The following DAB1 variants were observed in gnomAD, a reference collection of about 807,000 sequenced individuals.
The protein encoded by DAB1 is DAB adaptor protein 1.
DAB1 carries 15 observed loss-of-function variants against 64.6 expected under a neutral mutation model. The ratio of observed to expected loss-of-function variants is 0.23; its 90% CI spans 0.16 to 0.36. DAB1 has a LOEUF of 0.36. Ranked by LOEUF, DAB1 falls within the 10% of genes least tolerant of loss-of-function variation. The pLI, the probability that DAB1 is intolerant of heterozygous loss-of-function variation, is 1.00. For synonymous variants in DAB1, 235 were observed against 251.9 expected, an observed-to-expected ratio of 0.93 and a Z score of 0.64; for missense variants, 596 against 706.7, an observed-to-expected ratio of 0.84 and a Z score of 1.78.
At chr1:57,172,201 C>A (rs551766277) in intron 2 of DAB1, among the ~76,000 whole-genome samples, 1 of 152,190 alleles carries the variant, frequency 6.6e-6, no homozygotes, top group Admixed American at 6.5e-5. Flanking sequence ...TCACTATGAC[C>A]TCGTCTTAAC....
At chr1:57,712,066 A>T (rs1203753734) in intron 6 of DAB1, among the ~76,000 whole-genome samples, 2 of 152,142 alleles carry the variant, frequency 1.3e-5, no homozygotes, top group Admixed American at 6.6e-5. Context: ...CTGCAGATAA[A>T]TTTTTTACGA....
At chr1:57,992,361 T>C (rs958416261) in intron 5 of DAB1, among the ~76,000 whole-genome samples, 1 of 152,182 alleles carries the variant, frequency 6.6e-6, no homozygotes, top group African/African-American at 2.4e-5. Context: ...AGATAGGACT[T>C]GTGCACTTTT....
chr1:57,567,355 G>T (rs1472452714), intron 7 of DAB1, among the ~76,000 whole-genome samples: 4 of 152,138 alleles, frequency 2.6e-5, no homozygotes, highest in Non-Finnish European at 5.9e-5. Flanking sequence ...CATTCCCTTT[G>T]AAAACTGGCA....
At chr1:57,779,979 T>A (rs573306658) in intron 6 of DAB1, among the ~76,000 whole-genome samples, 2 of 152,232 alleles carry the variant, frequency 1.3e-5, no homozygotes, top group Non-Finnish European at 2.9e-5. Context: ...AAATGACTAA[T>A]CTTGAGATAG....
intron 4 of DAB1, among the ~76,000 whole-genome samples, chr1:57,133,827 A>T (rs548226846): frequency 2.2e-4 from 33 of 152,314 alleles, no homozygotes; most frequent in Non-Finnish European, 4.6e-4. Flanking sequence ...ATAAAGGCCC[A>T]GTTTTCCACT....
intron 5 of DAB1, among the ~76,000 whole-genome samples, chr1:57,892,430 C>T (rs555576561): frequency 1.3e-5 from 2 of 152,298 alleles, no homozygotes; most frequent in African/African-American, 4.8e-5. Context: ...GTTCTAAGTG[C>T]TTTTCATTTA....
chr1:58,373,994 T>C (rs983754237), intron 3 of DAB1, among the ~76,000 whole-genome samples: 1 of 130,802 alleles, frequency 7.6e-6, no homozygotes, highest in African/African-American at 2.8e-5. Context: ...GAAGTGTCTG[T>C]TCATGTCCTT....
At chr1:58,133,224 C>T (rs949026771) in intron 5 of DAB1, among the ~76,000 whole-genome samples, 2 of 152,152 alleles carry the variant, frequency 1.3e-5, no homozygotes, top group African/African-American at 2.4e-5. Context: ...ATCTTATACC[C>T]CTGCCTAGTT....
chr1:57,796,721 T>C (rs1030831589), intron 6 of DAB1, among the ~76,000 whole-genome samples: 3 of 152,090 alleles, frequency 2.0e-5, no homozygotes, highest in African/African-American at 7.2e-5. Context: ...TGCTTTGGCC[T>C]CTGGAACCAT....
chr1:57,858,921 C>T (rs852804), intron 1 of DAB1, among the ~76,000 whole-genome samples: 64,790 of 151,482 alleles, frequency 0.43, 14,208 homozygotes, highest in Non-Finnish European at 0.49. Flanking sequence ...TCAAGAGCTG[C>T]GATTCCAAGT....
intron 3 of DAB1, among the ~76,000 whole-genome samples, chr1:58,414,959 C>T (rs980825503): frequency 6.6e-6 from 1 of 151,918 alleles, no homozygotes; most frequent in Admixed American, 6.6e-5. Context: ...CACAAGGTTG[C>T]GTGGGCTGTA....
At chr1:57,351,269 A>G (rs1002957973) in intron 1 of DAB1, among the ~76,000 whole-genome samples, 2 of 151,980 alleles carry the variant, frequency 1.3e-5, no homozygotes, top group Non-Finnish European at 2.9e-5. Flanking sequence ...TCAGAAATAA[A>G]TCTACCACAT....
At chr1:57,676,468 C>T (rs938470151) in intron 6 of DAB1, among the ~76,000 whole-genome samples, 2 of 152,160 alleles carry the variant, frequency 1.3e-5, no homozygotes, top group Non-Finnish European at 2.9e-5. Flanking sequence ...CCAAGGCATG[C>T]AGCAATTCCT....
At chr1:57,928,624 T>C (rs1296613286) in intron 5 of DAB1, among the ~76,000 whole-genome samples, 1 of 152,204 alleles carries the variant, frequency 6.6e-6, no homozygotes, top group South Asian at 2.1e-4. Flanking sequence ...TATTCACCTA[T>C]ACCTACTACC....
At chr1:57,076,121 C>T (rs1485842603) in intron 4 of DAB1, among the ~76,000 whole-genome samples, 1 of 152,122 alleles carries the variant, frequency 6.6e-6, no homozygotes, top group Non-Finnish European at 1.5e-5. Flanking sequence ...CAGCCAGAGG[C>T]AGAAAGGTGA....
intron 7 of DAB1, among the ~76,000 whole-genome samples, chr1:57,549,820 G>A (rs1443398038): frequency 6.6e-6 from 1 of 152,172 alleles, no homozygotes; most frequent in East Asian, 1.9e-4. Flanking sequence ...GAGAATTTAT[G>A]AAGCAGAATT....
intron 5 of DAB1, among the ~76,000 whole-genome samples, chr1:57,990,414 C>G (rs1360689870): frequency 6.6e-6 from 1 of 152,192 alleles, no homozygotes. Flanking sequence ...CCAAACATAC[C>G]AACATCCATT....
chr1:57,422,848 A>C (rs1472352574), intron 1 of DAB1, among the ~76,000 whole-genome samples: 1 of 152,156 alleles, frequency 6.6e-6, no homozygotes, highest in East Asian at 1.9e-4. Flanking sequence ...GCCCACCAGC[A>C]CCACCAAAAA....
chr1:57,130,904 T>A (rs1193871267), intron 4 of DAB1, among the ~76,000 whole-genome samples: 1 of 152,238 alleles, frequency 6.6e-6, no homozygotes, highest in South Asian at 2.1e-4. Context: ...CTTTTTAAAT[T>A]CACATAATTA....
Sources: allele counts gnomAD v4.1 joint callset (sites outside exome capture counted in the v4.1 genomes callset), GRCh38; gene constraint gnomAD v4.1.1; transcripts MANE v1.5; gene names NCBI Gene and HGNC (gene_info 2026-07-23, HGNC 2026-07-21).